MACROD2: variants seen among roughly 807,000 people sequenced by gnomAD.
The protein encoded by MACROD2 is ADP-ribose glycohydrolase MACROD2.
In MACROD2, 36 loss-of-function variants were observed where a neutral mutation model predicts 70.4. The ratio of observed to expected loss-of-function variants is 0.51; its 90% confidence interval spans 0.39 to 0.68. MACROD2 has a LOEUF of 0.68. Among genes scored for constraint, MACROD2 ranks in the 30% least tolerant of loss-of-function variants. The pLI, the probability that MACROD2 is intolerant of heterozygous loss-of-function variation, is 0.00. For synonymous variants in MACROD2, 172 were observed against 178.8 expected (o/e 0.96, Z 0.30); for missense variants, 496 against 538.4 (o/e 0.92, Z 0.78).
intron 5 of MACROD2, among the ~76,000 whole-genome samples, chr20:15,174,059 AG>A (rs1410704960): frequency 1.3e-5 from 2 of 152,240 alleles, no homozygotes; most frequent in African/African-American, 4.8e-5. Context: ...TCATTGCTAA[AG>A]CCCAAACATA....
At chr20:15,866,893 C>T (rs1395050211) in intron 9 of MACROD2, among the ~76,000 whole-genome samples, 2 of 152,096 alleles carry the variant, frequency 1.3e-5, no homozygotes, top group Non-Finnish European at 2.9e-5. Flanking sequence ...GCCCAAAGGC[C>T]TTTATAGCAT....
intron 3 of MACROD2, among the ~76,000 whole-genome samples, chr20:14,305,506 C>A (rs1300624936): frequency 2.0e-5 from 3 of 152,006 alleles, no homozygotes; most frequent in Non-Finnish European, 4.4e-5. Flanking sequence ...CCCCAAGGAA[C>A]TAAAACATTT....
intron 5 of MACROD2, among the ~76,000 whole-genome samples, chr20:15,014,465 T>A (rs1465585119): frequency 6.6e-6 from 1 of 152,166 alleles, no homozygotes; most frequent in Non-Finnish European, 1.5e-5. Flanking sequence ...TATGAAATGA[T>A]TAAAAACAAA....
chr20:14,344,764 AAAGTGTGTC>A (rs1451125410), intron 3 of MACROD2, among the ~76,000 whole-genome samples: 1 of 152,248 alleles, frequency 6.6e-6, no homozygotes, highest in Admixed American at 6.5e-5. Context: ...AAAGAATAAA[AAAGTGTGTC>A]ACTTTTTAAA....
At chr20:14,282,942 A>T (rs909330619) in intron 3 of MACROD2, among the ~76,000 whole-genome samples, 2 of 152,182 alleles carry the variant, frequency 1.3e-5, no homozygotes, top group Non-Finnish European at 2.9e-5. Flanking sequence ...GTGGGGACAG[A>T]TATTCAATGT....
intron 5 of MACROD2, among the ~76,000 whole-genome samples, chr20:14,881,107 A>G (rs1299131052): frequency 2.0e-5 from 3 of 152,222 alleles, no homozygotes; most frequent in African/African-American, 4.8e-5. Flanking sequence ...GCTTTTAACA[A>G]TTCTTCATCA....
chr20:14,353,865 A>G (rs2083147310), intron 3 of MACROD2, among the ~76,000 whole-genome samples: 1 of 152,166 alleles, frequency 6.6e-6, no homozygotes, highest in Non-Finnish European at 1.5e-5. Flanking sequence ...CAAGACCATG[A>G]TGATTGGCTG....
At chr20:15,875,280 C>G (rs2064651883) in intron 9 of MACROD2, among the ~76,000 whole-genome samples, 1 of 152,078 alleles carries the variant, frequency 6.6e-6, no homozygotes, top group Non-Finnish European at 1.5e-5. Context: ...GAAAGAAACA[C>G]AAGAGAAACT....
chr20:14,363,535 TA>T (rs773712948), intron 3 of MACROD2, among the ~76,000 whole-genome samples: 4 of 152,214 alleles, frequency 2.6e-5, no homozygotes, highest in South Asian at 4.1e-4. Context: ...AAAATAAGAT[TA>T]GGGGCCGGGC....
chr20:14,518,032 T>C (rs759060211), intron 4 of MACROD2, among the ~76,000 whole-genome samples: 1 of 152,164 alleles, frequency 6.6e-6, no homozygotes, highest in Non-Finnish European at 1.5e-5. Context: ...CATTTGTCAG[T>C]TTACAATGGT....
chr20:15,700,306 G>T (rs572635731), intron 8 of MACROD2, among the ~76,000 whole-genome samples: 2 of 152,308 alleles, frequency 1.3e-5, no homozygotes, highest in Non-Finnish European at 2.9e-5. Context: ...ACCCAAAGGA[G>T]CTGAGAGAGA....
intron 8 of MACROD2, among the ~76,000 whole-genome samples, chr20:15,691,683 C>T (rs1326715650): frequency 2.6e-5 from 4 of 152,162 alleles, no homozygotes; most frequent in Admixed American, 2.6e-4. Flanking sequence ...CCACACAGTC[C>T]TGGAAAGAGA....
At chr20:15,686,930 G>C (rs1600759957) in intron 8 of MACROD2, among the ~76,000 whole-genome samples, 1 of 139,688 alleles carries the variant, frequency 7.2e-6, no homozygotes, top group Admixed American at 7.1e-5. Flanking sequence ...GACAGGACAA[G>C]ACCCTGTCTC....
At chr20:14,417,373 A>G (rs1050983217) in intron 3 of MACROD2, among the ~76,000 whole-genome samples, 2 of 152,222 alleles carry the variant, frequency 1.3e-5, no homozygotes, top group African/African-American at 4.8e-5. Flanking sequence ...AAGAAATTAA[A>G]TAGATTAACT....
intron 5 of MACROD2, among the ~76,000 whole-genome samples, chr20:15,228,500 T>TTTG (rs2076930989): frequency 1.4e-5 from 2 of 147,100 alleles, no homozygotes; most frequent in Non-Finnish European, 3.0e-5. Flanking sequence ...TTTTTTTTTT[T>TTTG]TTTTTTGAGA....
intron 3 of MACROD2, among the ~76,000 whole-genome samples, chr20:14,150,600 AT>A (rs1232632153): frequency 6.6e-6 from 1 of 152,190 alleles, no homozygotes; most frequent in Non-Finnish European, 1.5e-5. Context: ...CTCATTTTTG[AT>A]TAGTACAGAT....
intron 3 of MACROD2, among the ~76,000 whole-genome samples, chr20:14,449,585 G>C (rs994812724): frequency 2.6e-5 from 4 of 152,122 alleles, no homozygotes; most frequent in Non-Finnish European, 5.9e-5. Flanking sequence ...CTGAGTGTTA[G>C]TAGTGATGAG....
chr20:14,683,926 A>G (rs1371974668), intron 4 of MACROD2, among the ~76,000 whole-genome samples: 2 of 151,892 alleles, frequency 1.3e-5, no homozygotes, highest in East Asian at 3.9e-4. Flanking sequence ...CAATTTCCTA[A>G]TTTATGTGTC....
intron 5 of MACROD2, among the ~76,000 whole-genome samples, chr20:15,109,118 T>C (rs1375669092): frequency 1.3e-5 from 2 of 152,214 alleles, no homozygotes; most frequent in Admixed American, 1.3e-4. Context: ...TCAACAGAGT[T>C]GAGTGGTCAT....
Sources: allele counts gnomAD v4.1 joint callset (sites outside exome capture counted in the v4.1 genomes callset), GRCh38; gene constraint gnomAD v4.1.1; transcripts MANE v1.5; gene names NCBI Gene and HGNC (gene_info 2026-07-23, HGNC 2026-07-21).